PCDHA3: variants seen among roughly 807,000 people sequenced by gnomAD.
The protein encoded by PCDHA3 is protocadherin alpha 3.
A neutral mutation model predicts 62.2 loss-of-function variants in PCDHA3; 41 were observed. That is an observed-to-expected ratio of 0.66 (90% CI 0.51 to 0.86). PCDHA3 has a LOEUF of 0.86. PCDHA3 is among the 40% of genes least tolerant of loss of function. The pLI is 0.00. For missense variants in PCDHA3, 1,304 were observed against 1,241.2 expected, an observed-to-expected ratio of 1.05 and a Z score of -0.76; for synonymous variants, 640 against 555.4, an observed-to-expected ratio of 1.15 and a Z score of -2.14.
chr5:140,803,323 G>A lies in PCDHA3; in HGVS notation c.2126G>A (p.Ser709Asn). 1 of 1,614,176 alleles carries A rather than the reference G, an allele frequency of 6.2e-7. No individual in the cohort carries two copies. The highest frequency in any genetic ancestry group is 8.5e-7 in the Non-Finnish European group (1 of 1,179,998). ...YLIVAICAVS[S>N]LLVLTLLLYT... ...ATCGTCGCCATCTGCGCGGTGTCCA[G>A]TCTGTTGGTGCTCACACTGCTGCTA... Residue 709 changes from serine to asparagine, a missense_variant, in exon 1 of 4, where the codon AGT (serine) becomes AAT (asparagine). By Grantham distance (46) the Ser-to-Asn change is conservative. Coordinates refer to ENST00000522353, the MANE Select transcript of PCDHA3 (RefSeq NM_018906.3).
chr5:140,994,229 A>G (rs1488908759), intron 3 of PCDHA3, among the ~76,000 whole-genome samples: 3 of 152,188 alleles, frequency 2.0e-5, no homozygotes, highest in African/African-American at 7.2e-5. Flanking sequence ...TGTCTATGTT[A>G]TAATCAATTC....
intron 1 of PCDHA3, among the ~76,000 whole-genome samples, chr5:140,872,690 T>C (rs1485284839): frequency 6.6e-6 from 1 of 152,210 alleles, no homozygotes; most frequent in Non-Finnish European, 1.5e-5. Context: ...ATGGCATGAT[T>C]TATGATTCCA....
chr5:140,808,421 G>C, intron 1 of PCDHA3: 1 of 1,614,156 alleles, frequency 6.2e-7, no homozygotes, highest in Non-Finnish European at 8.5e-7. Flanking sequence ...GCTGGACAGT[G>C]CCCTGGACCG....
intron 1 of PCDHA3, among the ~76,000 whole-genome samples, chr5:140,953,962 T>C (rs2153701012): frequency 6.6e-6 from 1 of 152,196 alleles, no homozygotes; most frequent in Admixed American, 6.5e-5. Flanking sequence ...CAGGCCCCAG[T>C]GTGTGTTGTT....
intron 1 of PCDHA3, among the ~76,000 whole-genome samples, chr5:140,925,953 C>T (rs1438087673): frequency 1.3e-5 from 2 of 152,090 alleles, no homozygotes; most frequent in Non-Finnish European, 2.9e-5. Context: ...GAAGGAGAAA[C>T]TGCTATCACG....
At position 140,879,675 on chromosome 5, in the gene PCDHA3, G is replaced by T. The variant is rs141369145; in HGVS notation, c.2394+76084G>T. ...TATAACAAACGAACACAAACTGGGT[G>T]CTGTAAAACAGCAAAAGTTTATTAT... On this transcript the variant is annotated intron_variant, in intron 1 of 3. Transcript: ENST00000522353. 5.3e-5 allele frequency among the ~76,000 whole-genome samples: 8 copies of T among 152,360 alleles called. No homozygotes were observed. The East Asian group carries it at 1.3e-3, about 26-fold the overall frequency.
At position 140,803,529 on chromosome 5, in the gene PCDHA3, C is replaced by A. The variant is rs781877015; in HGVS notation, c.2332C>A (p.Pro778Thr). The A allele has an allele frequency of 6.2e-7, 1 of 1,614,098 alleles. No individual in the cohort carries two copies. Among genetic ancestry groups the A allele is most frequent in the South Asian group, 1.1e-5 (1 of 91,088 alleles). ...DLMAFSPSLPPCPISRDREEK... is the reference protein window; with the variant it reads ...DLMAFSPSLPTCPISRDREEK... ...CATGGCTTTTAGCCCTAGCCTTCCT[C>A]CTTGTCCAATTAGCCGGGATAGAGA... The change falls in exon 1 of 4, where the codon CCT becomes ACT. Residue 778 changes from proline (P) to threonine (T), a missense_variant. Transcript: ENST00000522353.
intron 1 of PCDHA3, among the ~76,000 whole-genome samples, chr5:140,855,450 T>C (rs1304022224): frequency 6.7e-6 from 1 of 149,974 alleles, no homozygotes; most frequent in African/African-American, 2.4e-5. Context: ...TTCGGAGTTA[T>C]AAACACCTCA....
intron 1 of PCDHA3, chr5:140,877,906 A>C: frequency 7.0e-7 from 1 of 1,435,008 alleles, no homozygotes; most frequent in Non-Finnish European, 9.2e-7. Flanking sequence ...TTATAACTAC[A>C]TTCTCTCATT....
chr5:140,808,435 G>T, intron 1 of PCDHA3: 1 of 1,614,194 alleles, frequency 6.2e-7, no homozygotes, highest in Non-Finnish European at 8.5e-7. Flanking sequence ...TGGACCGCGA[G>T]AGCGTGTCAG....
At chr5:140,811,821 T>C (rs1215583343) in intron 1 of PCDHA3, 1 of 152,226 alleles carries the variant, frequency 6.6e-6, no homozygotes. Flanking sequence ...TCTGTTCATA[T>C]CCTTTGCCCA....
At chr5:140,808,237 G>T in intron 1 of PCDHA3, 1 of 1,614,216 alleles carries the variant, frequency 6.2e-7, no homozygotes, top group South Asian at 1.1e-5. Context: ...TCCCAGATTT[G>T]GAATTCAAGT....
intron 1 of PCDHA3, chr5:140,926,803 C>T (rs2083562434): frequency 6.9e-7 from 1 of 1,454,300 alleles, no homozygotes; most frequent in Non-Finnish European, 9.0e-7. Flanking sequence ...GTGCTCTTCC[C>T]CGCGGCTCGT....
chr5:140,876,236 T>C (rs782328225), intron 1 of PCDHA3: 24 of 1,613,974 alleles, frequency 1.5e-5, no homozygotes, highest in Non-Finnish European at 1.4e-5. Flanking sequence ...TCTGAAAATG[T>C]CCAAAACGAC....
chr5:140,912,860 G>T (rs1554195574), intron 1 of PCDHA3, among the ~76,000 whole-genome samples: 1 of 152,182 alleles, frequency 6.6e-6, no homozygotes, highest in South Asian at 2.1e-4. Flanking sequence ...CAATTGAAAT[G>T]ATATATGGTT....
rs782319322 is a variant in PCDHA3, at chr5:140,870,788, C to T, written c.2394+67197C>T. 6 of 1,613,518 alleles carry T rather than the reference C, an allele frequency of 3.7e-6. No individual in the cohort carries two copies. The Admixed American group carries it at 6.7e-5, about 18-fold the overall frequency. On this transcript the variant is annotated intron_variant, in intron 1 of 3. Coordinates refer to ENST00000522353, the MANE Select transcript of PCDHA3 (RefSeq NM_018906.3). Reference sequence around the variant, plus strand: ...GTGCTGGACGAGAACGACAACGCGCCGGCACTGCTGGCGACTCAGGCTGGC... The same window carrying T: ...GTGCTGGACGAGAACGACAACGCGCTGGCACTGCTGGCGACTCAGGCTGGC...
chr5:140,829,360 G>A, intron 1 of PCDHA3: 2 of 1,614,228 alleles, frequency 1.2e-6, no homozygotes, highest in Non-Finnish European at 1.7e-6. Context: ...CCTATGAGTT[G>A]GTGGTAACCG....
chr5:140,959,413 T>G (rs1328731924), intron 1 of PCDHA3, among the ~76,000 whole-genome samples: 1 of 152,152 alleles, frequency 6.6e-6, no homozygotes, highest in Admixed American at 6.6e-5. Context: ...TGTTGATTGA[T>G]CTGAGAATTT....
chr5:140,823,795 G>A, intron 1 of PCDHA3: 2 of 1,613,812 alleles, frequency 1.2e-6, no homozygotes, highest in Non-Finnish European at 1.7e-6. Flanking sequence ...AAGTGGCCAG[G>A]CGCCGAAGGC....
Sources: allele counts gnomAD v4.1 joint callset (sites outside exome capture counted in the v4.1 genomes callset), GRCh38; gene constraint gnomAD v4.1.1; transcripts MANE v1.5; gene names NCBI Gene and HGNC (gene_info 2026-07-23, HGNC 2026-07-21).